PEX5L: variants seen among roughly 807,000 people sequenced by gnomAD.
PEX5L encodes the protein peroxisomal biogenesis factor 5 like, also known as PEX5-related protein.
A neutral mutation model predicts 84.0 loss-of-function variants in PEX5L; 30 were observed. The observed-to-expected ratio is 0.36, with a 90% CI of 0.27 to 0.48. The LOEUF (loss-of-function observed/expected upper bound fraction) is 0.48. Among genes scored for constraint, PEX5L ranks in the 20% least tolerant of loss-of-function variants. The pLI is 0.99. For missense variants in PEX5L, 533 were observed against 754.6 expected (o/e 0.71, Z 3.44); for synonymous variants, 270 against 283.1 (o/e 0.95, Z 0.46).
In PEX5L at chr3:179,799,606, C is replaced by G. The variant is rs1403095030; in HGVS notation, c.*2222G>C. On this transcript the variant is annotated 3_prime_UTR_variant, in exon 15 of 15. Transcript: ENST00000467460. ...ATAGAATGGCATCACAGAACACTTACAAAGTTTGCTTTGAATCCTTTGTTC... is the reference window on the plus strand; with the variant it reads ...ATAGAATGGCATCACAGAACACTTAGAAAGTTTGCTTTGAATCCTTTGTTC... 1 of 152,230 alleles carries G rather than the reference C, an allele frequency of 6.6e-6. No individual in the cohort carries two copies. The allele number at this position is 152,230 out of a possible 1,614,324, so 9.4% of individuals were successfully genotyped here.
chr3:179,832,481 A>G (rs1200002302), intron 8 of PEX5L, among the ~76,000 whole-genome samples: 1 of 130,928 alleles, frequency 7.6e-6, no homozygotes, highest in Non-Finnish European at 1.6e-5. Flanking sequence ...CCTACCCACC[A>G]AATTTCCTAC....
intron 14 of PEX5L, among the ~76,000 whole-genome samples, chr3:179,804,692 C>T (rs1332014653): frequency 1.3e-5 from 2 of 152,206 alleles, no homozygotes; most frequent in Non-Finnish European, 2.9e-5. Context: ...GGTCCCAAGA[C>T]GTTTGTGAAG....
intron 2 of PEX5L, among the ~76,000 whole-genome samples, chr3:179,909,031 A>G (rs1165299858): frequency 6.6e-6 from 1 of 152,176 alleles, no homozygotes; most frequent in African/African-American, 2.4e-5. Context: ...ATGAACTATG[A>G]CTGCTAAGCT....
At chr3:179,875,932 G>C (rs927347467) in intron 5 of PEX5L, among the ~76,000 whole-genome samples, 2 of 152,110 alleles carry the variant, frequency 1.3e-5, no homozygotes, top group Non-Finnish European at 2.9e-5. Context: ...TTAAAAAGAT[G>C]AGCTTCAGTG....
intron 5 of PEX5L, among the ~76,000 whole-genome samples, chr3:179,876,133 C>G (rs1752304275): frequency 6.6e-6 from 1 of 152,142 alleles, no homozygotes; most frequent in South Asian, 2.1e-4. Flanking sequence ...GCTGGATTCT[C>G]TCATTAACAG....
chr3:180,004,042 C>T (rs1788654438), intron 1 of PEX5L, among the ~76,000 whole-genome samples: 1 of 152,154 alleles, frequency 6.6e-6, no homozygotes, highest in Non-Finnish European at 1.5e-5. Context: ...GTTATGAAGA[C>T]AGAGTGATAT....
chr3:179,855,423 T>G (rs1180344796), intron 8 of PEX5L, among the ~76,000 whole-genome samples: 1 of 152,208 alleles, frequency 6.6e-6, no homozygotes, highest in Non-Finnish European at 1.5e-5. Context: ...TTTAAGAATC[T>G]TATATCCCAC....
intron 1 of PEX5L, among the ~76,000 whole-genome samples, chr3:179,994,318 C>A (rs1787657237): frequency 6.6e-6 from 1 of 152,212 alleles, no homozygotes. Flanking sequence ...AATGTGAATT[C>A]TGACCTTCAG....
At chr3:179,947,954 C>T (rs1266880736) in intron 2 of PEX5L, among the ~76,000 whole-genome samples, 4 of 152,060 alleles carry the variant, frequency 2.6e-5, no homozygotes, top group African/African-American at 9.7e-5. Flanking sequence ...GATCTGCCTG[C>T]CTCGGCCTCC....
intron 2 of PEX5L, among the ~76,000 whole-genome samples, chr3:179,968,056 C>T (rs1011830487): frequency 2.0e-5 from 3 of 152,128 alleles, no homozygotes; most frequent in Admixed American, 6.6e-5. Context: ...ACTTTGAGTC[C>T]TATAACCCAA....
Position 179,796,000 on chromosome 3 carries a change from G to C in PEX5L, c.*5828C>G, listed in dbSNP as rs188810229. On this transcript the variant is annotated 3_prime_UTR_variant, in exon 15 of 15. Coordinates refer to ENST00000467460, the MANE Select transcript of PEX5L (RefSeq NM_016559.3). ...GTTTGCTGTATTTCCCTTAACTACT[G>C]GTAATGTAGTCCATCATGAACACAT... 6.6e-6 allele frequency: 1 copy of C among 151,926 alleles called. No individual in the cohort carries two copies. The highest frequency in any genetic ancestry group is 1.5e-5 in the Non-Finnish European group (1 of 67,990). The allele number at this position is 151,926 out of a possible 1,614,324, so 9.4% of individuals were successfully genotyped here. A position where few individuals can be genotyped will look rare whatever the true frequency, so the allele number is the denominator to read the frequency against.
At chr3:179,932,719 T>TA (rs1773436166) in intron 2 of PEX5L, among the ~76,000 whole-genome samples, 2 of 152,178 alleles carry the variant, frequency 1.3e-5, no homozygotes, top group African/African-American at 4.8e-5. Context: ...GCCCCAGACT[T>TA]AAAAAAATTA....
intron 7 of PEX5L, among the ~76,000 whole-genome samples, chr3:179,868,898 G>A (rs112241978): frequency 6.0e-5 from 9 of 151,212 alleles, no homozygotes; most frequent in Admixed American, 4.0e-4. Flanking sequence ...TTGGGTCTTC[G>A]TTCCGAGGGC....
intron 2 of PEX5L, among the ~76,000 whole-genome samples, chr3:179,912,938 G>C (rs1765685649): frequency 6.6e-6 from 1 of 152,012 alleles, no homozygotes; most frequent in South Asian, 2.1e-4. Flanking sequence ...AAGATAAGTG[G>C]GTAACAGCCC....
intron 3 of PEX5L, among the ~76,000 whole-genome samples, chr3:179,892,396 T>C (rs1757884256): frequency 6.6e-6 from 1 of 152,146 alleles, no homozygotes; most frequent in African/African-American, 2.4e-5. Flanking sequence ...TCTTGCCCAG[T>C]GTCATACTCT....
chr3:180,029,420 T>A (rs1267628357), intron 1 of PEX5L, among the ~76,000 whole-genome samples: 2 of 152,214 alleles, frequency 1.3e-5, no homozygotes, highest in Admixed American at 6.5e-5. Context: ...TATTTATTTA[T>A]TTGTAAATAA....
intron 4 of PEX5L, among the ~76,000 whole-genome samples, chr3:179,887,071 CTTA>C (rs1265172747): frequency 2.0e-5 from 3 of 152,138 alleles, no homozygotes; most frequent in Non-Finnish European, 4.4e-5. Flanking sequence ...TGGATTAATA[CTTA>C]TTGAGTGCCG....
At position 179,801,181 on chromosome 3, in the gene PEX5L, A is replaced by G. The variant is rs1174615685; in HGVS notation, c.*647T>C. On this transcript the variant is annotated 3_prime_UTR_variant, in exon 15 of 15. Coordinates refer to ENST00000467460, the MANE Select transcript of PEX5L (RefSeq NM_016559.3). ...AAAACAAAACTCCAGCAAGGCATAA[A>G]TAAGATATTAAAGTGCATATATACA... 1 of 152,668 alleles carries G rather than the reference A, an allele frequency of 6.6e-6. No homozygotes were observed. Among genetic ancestry groups the G allele is most frequent in the Non-Finnish European group, 1.5e-5 (1 of 68,066 alleles). The allele number at this position is 152,668 out of a possible 1,614,324, so 9.5% of individuals were successfully genotyped here.
intron 1 of PEX5L, among the ~76,000 whole-genome samples, chr3:180,021,070 T>C (rs575899224): frequency 1.1e-4 from 16 of 151,918 alleles, no homozygotes; most frequent in African/African-American, 3.9e-4. Flanking sequence ...TATGAGAACA[T>C]GAGGAAGGCA....
Sources: gnomAD v4.1 joint callset for allele counts (sites outside exome capture counted in the v4.1 genomes callset) on GRCh38, gnomAD v4.1.1 for gene constraint, MANE v1.5 for transcripts, NCBI Gene and HGNC (gene_info 2026-07-23, HGNC 2026-07-21) for gene names.